The following SUCLA2 variants were observed in gnomAD, a reference collection of about 807,000 sequenced individuals.
SUCLA2 encodes the protein succinate-CoA ligase ADP-forming subunit beta, also known as succinate--CoA ligase [ADP-forming] subunit beta, mitochondrial.
A neutral mutation model predicts 54.8 loss-of-function variants in SUCLA2; 30 were observed. That is an observed-to-expected ratio of 0.55 (90% confidence interval 0.41 to 0.74). The LOEUF (loss-of-function observed/expected upper bound fraction) is 0.74. Among genes scored for constraint, SUCLA2 ranks in the 30% least tolerant of loss-of-function variants. The pLI is 0.00. For synonymous variants in SUCLA2, 172 were observed against 188.9 expected, an observed-to-expected ratio of 0.91 and a Z score of 0.74; for missense variants, 476 against 562.9, an observed-to-expected ratio of 0.85 and a Z score of 1.56.
chr13:47,983,498 T>A (rs796478622), intron 4 of SUCLA2, among the ~76,000 whole-genome samples: 12,862 of 151,092 alleles, frequency 0.085, 749 homozygotes, highest in South Asian at 0.18. Flanking sequence ...CCTTTTTTTT[T>A]TTTTTTTTTG....
intron 2 of SUCLA2, chr13:47,994,764 A>T: frequency 1.1e-6 from 1 of 885,232 alleles, no homozygotes; most frequent in Non-Finnish European, 1.4e-6. Context: ...TGAACAAGGT[A>T]TCTGTTCCAA....
rs1170747936 is a variant in SUCLA2, at chr13:47,943,408, T to C, written c.1355A>G (p.Gln452Arg). The change falls in exon 11 of 11, where the codon CAA becomes CGA. Residue 452 changes from glutamine (Q) to arginine (R), a missense_variant. This residue lies in a region of SUCLA2 where 342 missense variants were observed against 444.2 expected (regional missense o/e 0.77). Transcript: ENST00000646932. ...CTGAAATTTCACATCCACATGTGCT[T>C]GCTTCGCTAAGGTCACTATTTCAGA... is the stretch of plus-strand genomic sequence containing the variant. Reference protein sequence around the residue: ...KLSEIVTLAKQAHVDVKFQLP... With the variant: ...KLSEIVTLAKRAHVDVKFQLP... 1 of 1,613,796 alleles carries C rather than the reference T, an allele frequency of 6.2e-7. No individual in the cohort carries two copies. The highest frequency in any genetic ancestry group is 8.5e-7 in the Non-Finnish European group (1 of 1,179,874).
intron 10 of SUCLA2, among the ~76,000 whole-genome samples, chr13:47,948,197 G>A (rs1352440757): frequency 3.3e-5 from 5 of 152,114 alleles, no homozygotes; most frequent in Non-Finnish European, 5.9e-5. Context: ...TAAGAATACA[G>A]ACAAAACAAC....
intron 4 of SUCLA2, 66 bp downstream of exon 4, chr13:47,988,475 A>C: frequency 2.6e-6 from 4 of 1,557,602 alleles, no homozygotes; most frequent in Non-Finnish European, 3.5e-6. Flanking sequence ...AATAGAAACA[A>C]TAATGGACTT....
chr13:47,966,577 T>C (rs1268733010), intron 6 of SUCLA2, among the ~76,000 whole-genome samples: 1 of 150,722 alleles, frequency 6.6e-6, no homozygotes, highest in Non-Finnish European at 1.5e-5. Context: ...CCAACCTAAA[T>C]ATTAAGAAAC....
At chr13:47,949,727 C>T in intron 8 of SUCLA2, 124 bp from the exon 9 acceptor site, 1 of 932,924 alleles carries the variant, frequency 1.1e-6, no homozygotes, top group East Asian at 2.6e-5. Flanking sequence ...CAGACCAAAC[C>T]ACAATACCCT....
At chr13:47,963,053 T>C (rs1566084471) in intron 6 of SUCLA2, among the ~76,000 whole-genome samples, 1 of 151,380 alleles carries the variant, frequency 6.6e-6, no homozygotes, top group Admixed American at 6.6e-5. Flanking sequence ...CCCCTGGTTT[T>C]AGTCAGTCAG....
chr13:47,995,474 T>C (rs554730723), intron 2 of SUCLA2, among the ~76,000 whole-genome samples: 1 of 152,326 alleles, frequency 6.6e-6, no homozygotes, highest in East Asian at 1.9e-4. Flanking sequence ...AAGGAAATCA[T>C]GGCCATCTCA....
Position 47,996,862 on chromosome 13 carries a change from A to AT in SUCLA2, c.251dup (p.Tyr84Ter), listed in dbSNP as rs1309421397. The AT allele has an allele frequency of 3.7e-6, 6 of 1,613,590 alleles. No homozygotes were observed. Among genetic ancestry groups the AT allele is most frequent in the Non-Finnish European group, 3.4e-6 (4 of 1,179,846 alleles). ...GYVAKSPDEAYAIAKKLGSKD... is the reference protein window; with the variant it reads ...GYVAKSPDEA The stretch of plus-strand genomic sequence containing the variant: ...TAGTACCTAATTTTTTGGCAATTGC[A>AT]TAAGCTTCATCTGGTGACTTTGCCA... Residue 84 changes from tyrosine (Y) to a stop codon, truncating the protein, a stop_gained and frameshift_variant, in exon 2 of 11, where the codon TAT becomes TAAT. Coordinates refer to ENST00000646932, the MANE Select transcript of SUCLA2 (RefSeq NM_003850.3). LOFTEE classifies it high-confidence loss of function.
At chr13:47,962,839 GGT>G (rs137996731) in intron 6 of SUCLA2, among the ~76,000 whole-genome samples, 4,300 of 152,194 alleles carry the variant, frequency 0.028, 95 homozygotes, top group South Asian at 0.081. Context: ...TGACCTTTCT[GGT>G]CTTAAAGCTT....
chr13:47,995,115 G>C (rs932641886), intron 2 of SUCLA2, among the ~76,000 whole-genome samples: 1 of 152,188 alleles, frequency 6.6e-6, no homozygotes, highest in Non-Finnish European at 1.5e-5. Context: ...CAGCTACTCA[G>C]AGGCCTAAGT....
intron 4 of SUCLA2, among the ~76,000 whole-genome samples, chr13:47,987,142 A>G (rs1326135): frequency 0.73 from 110,861 of 152,104 alleles, 41,361 homozygotes; most frequent in Non-Finnish European, 0.81. Flanking sequence ...CAAGACCTAA[A>G]TAGTTGTCAG....
chr13:47,995,286 C>G (rs1379137615), intron 2 of SUCLA2, among the ~76,000 whole-genome samples: 2 of 141,530 alleles, frequency 1.4e-5, no homozygotes, highest in Non-Finnish European at 3.0e-5. Flanking sequence ...TAACATTAAC[C>G]ATGCAGAAGT....
chr13:47,973,212 G>A, intron 5 of SUCLA2, 52 bp downstream of exon 5: 2 of 1,490,390 alleles, frequency 1.3e-6, no homozygotes, highest in Non-Finnish European at 1.9e-6. Context: ...TTATCTTTAA[G>A]TATCATAATT....
At chr13:47,946,347 A>G (rs1949731217) in intron 10 of SUCLA2, among the ~76,000 whole-genome samples, 1 of 152,116 alleles carries the variant, frequency 6.6e-6, no homozygotes, top group Non-Finnish European at 1.5e-5. Context: ...ATAAGGGGGG[A>G]CTACTGCACA....
At chr13:47,989,110 T>C in intron 2 of SUCLA2, 129 bp from the exon 3 acceptor site, 1 of 926,366 alleles carries the variant, frequency 1.1e-6, no homozygotes. Context: ...TGTCCAAAAA[T>C]AAGGCATTCT....
At chr13:47,996,804 CT>C (rs1950194991) in intron 2 of SUCLA2, 38 bp downstream of exon 2, 1 of 1,606,072 alleles carries the variant, frequency 6.2e-7, no homozygotes. Context: ...TCTCAGAGCT[CT>C]CATGTCAAGG....
rs1949832857 is a variant in SUCLA2 at position 47,957,710 on chromosome 13, G to C, written c.803-3153C>G. On this transcript the variant is annotated intron_variant, in intron 6 of 10. Transcript: ENST00000646932. The stretch of plus-strand genomic sequence containing the variant: ...GGAAGCACCCTAACTGTTTCAGTAA[G>C]AACATTCTTGGAGGTTTTTCTGTAA... Among the ~76,000 whole-genome samples, 3 of 152,310 alleles carry C rather than the reference G, an allele frequency of 2.0e-5. No individual in the cohort carries two copies. In the South Asian group the frequency reaches 6.2e-4, roughly 32 times the overall value.
chr13:47,971,692 A>G, intron 5 of SUCLA2: 1 of 388,234 alleles, frequency 2.6e-6, no homozygotes. Flanking sequence ...TCGAATTCTT[A>G]AAATCATTCA....
Sources: gnomAD v4.1 joint callset for allele counts (sites outside exome capture counted in the v4.1 genomes callset) on GRCh38, gnomAD v4.1.1 for gene constraint, gnomAD v4.1.1 regional missense constraint, MANE v1.5 for transcripts, NCBI Gene and HGNC (gene_info 2026-07-23, HGNC 2026-07-21) for gene names.